The following C10orf105 variants were observed in gnomAD, a reference collection of about 807,000 sequenced individuals.
C10orf105 encodes the protein chromosome 10 open reading frame 105.
C10orf105 carries 2 observed loss-of-function variants against 0.6 expected under a neutral mutation model. The observed-to-expected ratio is 3.18, with a 90% CI of 1.30 to 10.01. The LOEUF is 10.01. Among genes scored for constraint, C10orf105 ranks in the 30% most tolerant of loss-of-function variants. The pLI is 0.04. For synonymous variants in C10orf105, 95 were observed against 82.4 expected (o/e 1.15, Z -0.83); for missense variants, 209 against 191.4 (o/e 1.09, Z -0.54).
rs747601031 is a variant in C10orf105 at position 71,713,065 on chromosome 10, C to T, written c.*2871G>A. ...CACAAACAGGAGGAAGACTTGGCCT[C>T]CCCCTGCATATCTCCCGCCCCACCC... On this transcript the variant is annotated 3_prime_UTR_variant, in exon 2 of 2. Transcript: ENST00000441508. The T allele has an allele frequency of 2.7e-6, 2 of 743,224 alleles. No homozygotes were observed. Among genetic ancestry groups the T allele is most frequent in the Admixed American group, 3.8e-5 (2 of 53,110 alleles). The allele number at this position is 743,224 out of a possible 1,614,324, so 46.0% of individuals were successfully genotyped here.
At chr10:71,724,640 C>T (rs1866725193), upstream of C10orf105, among the ~76,000 whole-genome samples, 1 of 152,200 alleles carries the variant, frequency 6.6e-6, no homozygotes, top group African/African-American at 2.4e-5. Context: ...GTCCTGCTGT[C>T]CTGCAGAGCT....
upstream of C10orf105, among the ~76,000 whole-genome samples, chr10:71,722,239 G>A (rs1432049014): frequency 3.9e-5 from 6 of 152,114 alleles, no homozygotes; most frequent in East Asian, 1.9e-4. Flanking sequence ...TCAGGAGTTC[G>A]AGACCAGCCT....
In C10orf105 at chr10:71,712,754, C is replaced by A; in HGVS notation, c.*3182G>T. The A allele has an allele frequency of 1.2e-6, 2 of 1,613,580 alleles. No homozygotes were observed. Among genetic ancestry groups the A allele is most frequent in the South Asian group, 2.2e-5 (2 of 91,008 alleles). ...GAATGACAACCGGCCCATCTTTCTG[C>A]AGAGCAGCTATGAGGCCAGCGTCCC... On this transcript the variant is annotated 3_prime_UTR_variant, in exon 2 of 2. Coordinates refer to ENST00000441508, the MANE Select transcript of C10orf105 (RefSeq NM_001164375.3).
intron 1 of C10orf105, among the ~76,000 whole-genome samples, chr10:71,725,997 C>T (rs1866792228): frequency 6.6e-6 from 1 of 151,366 alleles, no homozygotes; most frequent in African/African-American, 2.4e-5. Flanking sequence ...ATATTCCAGT[C>T]ACCTCTCCCA....
chr10:71,712,904 G>C lies in C10orf105; in HGVS notation c.*3032C>G. The C allele has an allele frequency of 1.4e-6, 2 of 1,471,686 alleles. No individual in the cohort carries two copies. The highest frequency in any genetic ancestry group is 9.3e-7 in the Non-Finnish European group (1 of 1,073,564). 91.2% of individuals were successfully genotyped at this position (1,471,686 alleles called of 1,614,324 possible). A position where few individuals can be genotyped will look rare whatever the true frequency, so the allele number is the denominator to read the frequency against. Reference sequence around the variant, plus strand: ...AGGGCACATGCTCAGTGGCACCAGAGGCGGAAGCAGGTGGGGGCCCAGGGT... The same window carrying C: ...AGGGCACATGCTCAGTGGCACCAGACGCGGAAGCAGGTGGGGGCCCAGGGT... On this transcript the variant is annotated 3_prime_UTR_variant, in exon 2 of 2. Coordinates refer to ENST00000441508, the MANE Select transcript of C10orf105 (RefSeq NM_001164375.3).
intron 1 of C10orf105, among the ~76,000 whole-genome samples, chr10:71,730,035 C>T (rs1045983966): frequency 6.6e-6 from 1 of 151,950 alleles, no homozygotes; most frequent in African/African-American, 2.4e-5. Context: ...GGGGTTTCAC[C>T]GTGTTAGCCA....
Position 71,716,200 on chromosome 10 carries a change from G to A in C10orf105, c.138C>T (p.Phe46=), listed in dbSNP as rs1441454362. The change falls in exon 2 of 2, where the codon TTC becomes TTT. Residue 46 remains phenylalanine (F), a synonymous_variant. Coordinates refer to ENST00000441508, the MANE Select transcript of C10orf105 (RefSeq NM_001164375.3). ...ACAGCAGACAGGTGGCCAGCAGGAG[G>A]AAGATGCAGGCCAGGGCGATGAGCA... ...LPMLIALACI[F]LLLATCLLFM... is the part of the protein sequence containing the mutation. 1 of 1,551,248 alleles carries A rather than the reference G, an allele frequency of 6.4e-7. No individual in the cohort carries two copies. Among genetic ancestry groups the A allele is most frequent in the South Asian group, 1.2e-5 (1 of 84,038 alleles).
intron 1 of C10orf105, chr10:71,732,037 T>A: frequency 6.2e-7 from 1 of 1,613,884 alleles, no homozygotes; most frequent in East Asian, 2.2e-5. Context: ...AGAGGGGAAG[T>A]TTGAGATTGA....
chr10:71,727,517 C>T (rs1866870276), intron 1 of C10orf105, among the ~76,000 whole-genome samples: 1 of 152,216 alleles, frequency 6.6e-6, no homozygotes, highest in Non-Finnish European at 1.5e-5. Context: ...ATTTTCCCAG[C>T]AGCAGGGGAG....
upstream of C10orf105, chr10:71,724,203 A>C: frequency 7.6e-7 from 1 of 1,322,100 alleles, no homozygotes; most frequent in Non-Finnish European, 1.1e-6. Flanking sequence ...AGGCCAAGAG[A>C]ACCCCCAGGG....
At chr10:71,729,812 T>C (rs768443654) in intron 1 of C10orf105, among the ~76,000 whole-genome samples, 2 of 152,092 alleles carry the variant, frequency 1.3e-5, no homozygotes, top group Non-Finnish European at 2.9e-5. Flanking sequence ...AGGAGTGGCA[T>C]GGAGTGTGAA....
At chr10:71,732,526 AG>A in intron 1 of C10orf105, 1 of 1,346,934 alleles carries the variant, frequency 7.4e-7, no homozygotes, top group African/African-American at 1.5e-5. Context: ...CAGCTGCTTG[AG>A]AGGCTGGGGC....
Position 71,716,316 on chromosome 10 carries a change from G to C in C10orf105, c.22C>G (p.Leu8Val). The C allele has an allele frequency of 6.7e-7, 1 of 1,498,316 alleles. No homozygotes were observed. Among genetic ancestry groups the C allele is most frequent in the Non-Finnish European group, 8.9e-7 (1 of 1,118,334 alleles). The allele number at this position is 1,498,316 out of a possible 1,614,324, so 92.8% of individuals were successfully genotyped here. The change falls in exon 2 of 2, where the codon CTC becomes GTC. Residue 8 changes from leucine (L) to valine (V), a missense_variant. Transcript: ENST00000441508. Reference protein sequence around the residue: MSTEGPSLASSPAISPLA... With the variant: MSTEGPSVASSPAISPLA... Reference sequence around the variant, plus strand: ...GGGCTGATGGCTGGGGAGCTGGCGAGGCTGGGGCCCTCTGTGCTCATGGCT... The same window carrying C: ...GGGCTGATGGCTGGGGAGCTGGCGACGCTGGGGCCCTCTGTGCTCATGGCT...
At position 71,719,698 on chromosome 10, in the gene C10orf105, A is replaced by G. The variant is rs1311721953; in HGVS notation, c.-77T>C. 6.6e-6 allele frequency: 1 copy of G among 152,350 alleles called. No individual in the cohort carries two copies. The highest frequency in any genetic ancestry group is 6.5e-5 in the Admixed American group (1 of 15,280). The allele number at this position is 152,350 out of a possible 1,614,324, so 9.4% of individuals were successfully genotyped here. A position where few individuals can be genotyped will look rare whatever the true frequency, so the allele number is the denominator to read the frequency against. On this transcript the variant is annotated 5_prime_UTR_variant, in exon 1 of 2. Transcript: ENST00000441508. ...TCAGCTGTGGAAGGGAGGCCCAAGG[A>G]GCCCTGGGCAGTGCCTGTGACCCCA...
At chr10:71,719,945 T>C (rs1447524424), upstream of C10orf105, 1 of 152,788 alleles carries the variant, frequency 6.5e-6, no homozygotes, top group Non-Finnish European at 1.5e-5. Context: ...CCACCGCCTC[T>C]CTCCAGCCTG....
rs1866176760 is a variant in C10orf105 at position 71,715,584 on chromosome 10, G to T, written c.*352C>A. On this transcript the variant is annotated 3_prime_UTR_variant, in exon 2 of 2. Coordinates refer to ENST00000441508, the MANE Select transcript of C10orf105 (RefSeq NM_001164375.3). ...CATGCTGGGCTTTGGCACCTGGAGGGCAAGGCTTCTGTGGCGAGCGAGGGT... is the reference window on the plus strand; with the variant it reads ...CATGCTGGGCTTTGGCACCTGGAGGTCAAGGCTTCTGTGGCGAGCGAGGGT... 2.4e-5 allele frequency: 5 copies of T among 210,924 alleles called. No homozygotes were observed. The South Asian group carries it at 6.5e-4, about 28-fold the overall frequency. The allele number at this position is 210,924 out of a possible 1,614,324, so 13.1% of individuals were successfully genotyped here.
Position 71,715,754 on chromosome 10 carries a change from C to T in C10orf105, c.*182G>A, listed in dbSNP as rs552300686. 15 of 518,672 alleles carry T rather than the reference C, an allele frequency of 2.9e-5. No individual in the cohort carries two copies. In the East Asian group the frequency reaches 4.8e-4, roughly 17 times the overall value. 32.1% of individuals were successfully genotyped at this position (518,672 alleles called of 1,614,324 possible). A position where few individuals can be genotyped will look rare whatever the true frequency, so the allele number is the denominator to read the frequency against. The stretch of plus-strand genomic sequence containing the variant: ...GGGGGTCTGCAGAGAGGAAGGTGCT[C>T]TTCTGAGGATCATCTTTGGGAAAGG... On this transcript the variant is annotated 3_prime_UTR_variant, in exon 2 of 2. Transcript: ENST00000441508.
intron 1 of C10orf105, among the ~76,000 whole-genome samples, chr10:71,729,802 A>G (rs1011811584): frequency 2.6e-5 from 4 of 151,976 alleles, no homozygotes; most frequent in Non-Finnish European, 5.9e-5. Context: ...TAACAACCTT[A>G]GGAGTGGCAT....
Position 71,725,354 on chromosome 10 carries a change from G to T in C10orf105, c.-5-9012C>A. On this transcript the variant is annotated intron_variant, in intron 1 of 1. Coordinates refer to the C10orf105 transcript ENST00000398786. ...CTGGGCAGGGCCGGTGTTCCAGGGGGTCTGTCCCTCCACACAGGTAACCAT... is the reference window on the plus strand; with the variant it reads ...CTGGGCAGGGCCGGTGTTCCAGGGGTTCTGTCCCTCCACACAGGTAACCAT... 3 of 1,614,068 alleles carry T rather than the reference G, an allele frequency of 1.9e-6. No homozygotes were observed. The highest frequency in any genetic ancestry group is 1.7e-6 in the Non-Finnish European group (2 of 1,179,900).
Sources: allele counts gnomAD v4.1 joint callset (sites outside exome capture counted in the v4.1 genomes callset), GRCh38; gene constraint gnomAD v4.1.1; transcripts MANE v1.5; gene names NCBI Gene and HGNC (gene_info 2026-07-23, HGNC 2026-07-21).